The following NRG1 variants were observed in gnomAD, a reference collection of about 807,000 sequenced individuals.
NRG1 encodes the protein pro-neuregulin-1, membrane-bound isoform.
In NRG1, 18 loss-of-function variants were observed where a neutral mutation model predicts 63.8. The observed-to-expected ratio is 0.28, with a 90% confidence interval of 0.19 to 0.42. NRG1 has a LOEUF of 0.42. Ranked by LOEUF, NRG1 falls within the 10% of genes least tolerant of loss-of-function variation. The probability of loss-of-function intolerance (pLI) is 1.00; values close to 1 mark genes in which losing one functional copy is unlikely to be tolerated. For missense variants in NRG1, 762 were observed against 814.7 expected (o/e 0.94, Z 0.79); for synonymous variants, 302 against 301.3 (o/e 1.00, Z -0.02).
chr8:32,707,626 A>C (rs1212151177), intron 5 of NRG1, among the ~76,000 whole-genome samples: 2 of 152,080 alleles, frequency 1.3e-5, no homozygotes, highest in Non-Finnish European at 2.9e-5. Flanking sequence ...TAAATATGAT[A>C]TTAATAAAAG....
chr8:32,726,917 AT>A (rs34397296), intron 5 of NRG1, among the ~76,000 whole-genome samples: 9,122 of 146,496 alleles, frequency 0.062, 862 homozygotes, highest in African/African-American at 0.21. Flanking sequence ...CTAAAGATGG[AT>A]TTTTTTTTTT....
At chr8:32,261,358 A>AGTGTGTGTGT (rs3055547) in intron 1 of NRG1, among the ~76,000 whole-genome samples, 179 of 148,364 alleles carry the variant, frequency 1.2e-3, no homozygotes, top group Admixed American at 1.6e-3. Context: ...TGCTCCTATT[A>AGTGTGTGTGT]GTGTGTGTGT....
intron 1 of NRG1, among the ~76,000 whole-genome samples, chr8:32,407,563 GA>G (rs1814263423): frequency 6.6e-6 from 1 of 151,982 alleles, no homozygotes; most frequent in Admixed American, 6.6e-5. Flanking sequence ...TGGAGAGAAA[GA>G]AGTAACACAC....
At chr8:31,731,579 A>G (rs930519559) in intron 1 of NRG1, among the ~76,000 whole-genome samples, 1 of 152,124 alleles carries the variant, frequency 6.6e-6, no homozygotes, top group Admixed American at 6.5e-5. Flanking sequence ...TACATTTTTC[A>G]ATAGTTTTGA....
At chr8:32,037,457 A>G (rs1469467805) in intron 1 of NRG1, among the ~76,000 whole-genome samples, 1 of 152,142 alleles carries the variant, frequency 6.6e-6, no homozygotes, top group Non-Finnish European at 1.5e-5. Flanking sequence ...CTTGGCGGAG[A>G]GGGTGTCCTG....
intron 1 of NRG1, among the ~76,000 whole-genome samples, chr8:31,987,715 AAAC>A (rs1234591301): frequency 2.0e-5 from 3 of 151,952 alleles, no homozygotes; most frequent in African/African-American, 7.3e-5. Flanking sequence ...CCCATGTAAC[AAAC>A]CTGCACATGT....
chr8:32,496,441 T>C (rs1291668266), intron 1 of NRG1, among the ~76,000 whole-genome samples: 1 of 152,022 alleles, frequency 6.6e-6, no homozygotes, highest in Non-Finnish European at 1.5e-5. Flanking sequence ...TTTTAAAAAA[T>C]TAACTGGGCA....
intron 1 of NRG1, among the ~76,000 whole-genome samples, chr8:31,975,069 G>A (rs188593263): frequency 3.3e-5 from 5 of 152,194 alleles, no homozygotes; most frequent in Admixed American, 2.6e-4. Context: ...TTCTTTCAGG[G>A]TTCTGTGTTT....
chr8:31,654,215 C>T (rs1805191447), intron 1 of NRG1, among the ~76,000 whole-genome samples: 1 of 152,096 alleles, frequency 6.6e-6, no homozygotes, highest in Non-Finnish European at 1.5e-5. Flanking sequence ...CAATATCATC[C>T]ACCTACTTCC....
chr8:31,738,260 G>A (rs1814894831), intron 1 of NRG1, among the ~76,000 whole-genome samples: 1 of 152,032 alleles, frequency 6.6e-6, no homozygotes, highest in South Asian at 2.1e-4. Context: ...AACTAAGGTG[G>A]TTAGAGAACA....
chr8:32,551,425 ACAGT>A (rs1447828867), intron 1 of NRG1, among the ~76,000 whole-genome samples: 1 of 152,150 alleles, frequency 6.6e-6, no homozygotes, highest in African/African-American at 2.4e-5. Context: ...TTGCCTCATG[ACAGT>A]CAGGGGAGAG....
At chr8:31,844,193 T>C (rs1395870797) in intron 1 of NRG1, among the ~76,000 whole-genome samples, 5 of 152,200 alleles carry the variant, frequency 3.3e-5, no homozygotes, top group African/African-American at 9.6e-5. Context: ...GCAGGTGGGA[T>C]GAGAGGTGGG....
chr8:32,009,058 C>T (rs545971677), intron 1 of NRG1, among the ~76,000 whole-genome samples: 1 of 152,056 alleles, frequency 6.6e-6, no homozygotes, highest in Admixed American at 6.6e-5. Flanking sequence ...AATATGGTGA[C>T]CTTAGTCACA....
intron 1 of NRG1, among the ~76,000 whole-genome samples, chr8:32,000,505 A>T (rs984233362): frequency 6.6e-6 from 1 of 151,818 alleles, no homozygotes; most frequent in African/African-American, 2.4e-5. Context: ...GGCCTCAAGC[A>T]ATCCTCCCAC....
chr8:31,790,891 A>G (rs544935778), intron 1 of NRG1, among the ~76,000 whole-genome samples: 6 of 152,276 alleles, frequency 3.9e-5, no homozygotes, highest in Non-Finnish European at 8.8e-5. Context: ...GATTCTCAGC[A>G]CAGAACTCTT....
chr8:32,499,619 A>G (rs752022320), intron 1 of NRG1, among the ~76,000 whole-genome samples: 4 of 152,172 alleles, frequency 2.6e-5, no homozygotes, highest in Non-Finnish European at 5.9e-5. Flanking sequence ...GGCTGCAGTG[A>G]GCCATGATCA....
At chr8:32,671,892 AG>A (rs901596088) in intron 5 of NRG1, among the ~76,000 whole-genome samples, 5 of 152,152 alleles carry the variant, frequency 3.3e-5, no homozygotes, top group Non-Finnish European at 7.3e-5. Flanking sequence ...GAAAAGAAAA[AG>A]TCTTCATTTT....
At chr8:32,571,667 C>A (rs1334185877) in intron 1 of NRG1, among the ~76,000 whole-genome samples, 13 of 152,134 alleles carry the variant, frequency 8.5e-5, no homozygotes, top group Admixed American at 8.5e-4. Flanking sequence ...CAAACACCTC[C>A]ATTCCTCTTG....
chr8:32,288,685 C>T (rs1172001161), intron 1 of NRG1, among the ~76,000 whole-genome samples: 1 of 152,114 alleles, frequency 6.6e-6, no homozygotes, highest in African/African-American at 2.4e-5. Context: ...TGAGCCACTG[C>T]CCGGTCCTTG....
Sources: allele counts gnomAD v4.1 joint callset (sites outside exome capture counted in the v4.1 genomes callset), GRCh38; gene constraint gnomAD v4.1.1; transcripts MANE v1.5; gene names NCBI Gene and HGNC (gene_info 2026-07-23, HGNC 2026-07-21).